The following SLC25A21 variants were observed in gnomAD, a reference collection of about 807,000 sequenced individuals.
The protein encoded by SLC25A21 is solute carrier family 25 member 21.
SLC25A21 carries 47 observed loss-of-function variants against 43.8 expected under a neutral mutation model. The observed-to-expected ratio is 1.07, with a 90% CI of 0.85 to 1.37. SLC25A21 has a LOEUF of 1.37. Ranked by LOEUF, SLC25A21 falls within the 40% of genes most tolerant of loss-of-function variation. The pLI is 0.00. For missense variants in SLC25A21, 352 were observed against 350.2 expected, an observed-to-expected ratio of 1.00 and a Z score of -0.04; for synonymous variants, 131 against 121.3, an observed-to-expected ratio of 1.08 and a Z score of -0.52.
chr14:37,150,122 A>G (rs549749652), intron 1 of SLC25A21, among the ~76,000 whole-genome samples: 1 of 152,292 alleles, frequency 6.6e-6, no homozygotes, highest in African/African-American at 2.4e-5. Context: ...AAGAAATGGC[A>G]TTTGAGTCCC....
chr14:36,706,557 C>T (rs1883577218), intron 7 of SLC25A21, among the ~76,000 whole-genome samples: 1 of 145,966 alleles, frequency 6.9e-6, no homozygotes. Context: ...TGCAGTTAGA[C>T]TCAGAGTTTC....
At chr14:36,914,729 T>TA (rs11439110) in intron 1 of SLC25A21, among the ~76,000 whole-genome samples, 7,108 of 151,988 alleles carry the variant, frequency 0.047, 331 homozygotes, top group African/African-American at 0.11. Context: ...GTCATGTCAG[T>TA]AAAAAAAAGT....
chr14:37,032,313 A>G (rs1961231055), intron 1 of SLC25A21, among the ~76,000 whole-genome samples: 1 of 152,086 alleles, frequency 6.6e-6, no homozygotes, highest in Non-Finnish European at 1.5e-5. Context: ...AGGCTGGTGG[A>G]TCACGAGGTC....
chr14:36,680,829 G>A (rs750603572), intron 9 of SLC25A21, 110 bp from the exon 10 acceptor site: 3 of 882,000 alleles, frequency 3.4e-6, no homozygotes, highest in Non-Finnish European at 5.1e-6. Flanking sequence ...GGCAGAGGCT[G>A]TTCGGAATCA....
At chr14:36,830,402 A>C (rs2138479026) in intron 2 of SLC25A21, among the ~76,000 whole-genome samples, 1 of 152,284 alleles carries the variant, frequency 6.6e-6, no homozygotes, top group Admixed American at 6.5e-5. Flanking sequence ...TGTCTAACCT[A>C]AGGTGTAACA....
At chr14:36,867,008 A>G (rs1160495160) in intron 2 of SLC25A21, among the ~76,000 whole-genome samples, 1 of 152,066 alleles carries the variant, frequency 6.6e-6, no homozygotes, top group Non-Finnish European at 1.5e-5. Context: ...TGTGTGGTGC[A>G]TTTTGTTTCA....
In SLC25A21 at chr14:36,679,259, T is replaced by C. The variant is rs1295067833; in HGVS notation, c.*1399A>G. ...TGAAATATAAATTTTAAAAAACACG[T>C]TGGAAAGGATGTACAACAGAAGGCT... On this transcript the variant is annotated 3_prime_UTR_variant, in exon 10 of 10. Coordinates refer to ENST00000331299, the MANE Select transcript of SLC25A21 (RefSeq NM_030631.4). 3 of 983,500 alleles carry C rather than the reference T, an allele frequency of 3.1e-6. No homozygotes were observed. Among genetic ancestry groups the C allele is most frequent in the African/African-American group, 3.5e-5 (2 of 57,190 alleles). 60.9% of individuals were successfully genotyped at this position (983,500 alleles called of 1,614,324 possible).
At chr14:37,063,708 G>A (rs1238525483) in intron 1 of SLC25A21, among the ~76,000 whole-genome samples, 2 of 152,040 alleles carry the variant, frequency 1.3e-5, no homozygotes, top group African/African-American at 4.8e-5. Context: ...TCTGAAGTCT[G>A]GAAAGCAGGC....
chr14:36,768,677 A>G (rs1349187623), intron 3 of SLC25A21, among the ~76,000 whole-genome samples: 2 of 152,198 alleles, frequency 1.3e-5, no homozygotes, highest in African/African-American at 4.8e-5. Context: ...AACTGCACTA[A>G]ATCTTACCTT....
intron 3 of SLC25A21, among the ~76,000 whole-genome samples, chr14:36,754,015 T>C (rs1566575847): frequency 6.6e-6 from 1 of 151,870 alleles, no homozygotes; most frequent in Non-Finnish European, 1.5e-5. Context: ...CCTGCTTTGA[T>C]CCCAGATCCA....
intron 2 of SLC25A21, among the ~76,000 whole-genome samples, chr14:36,837,071 AGTTTCCT>A (rs1889233781): frequency 1.3e-5 from 2 of 152,268 alleles, no homozygotes; most frequent in Admixed American, 1.3e-4. Flanking sequence ...ATATGTCCCC[AGTTTCCT>A]TAGTAGACAG....
At chr14:36,705,344 G>A (rs1883486729) in intron 7 of SLC25A21, among the ~76,000 whole-genome samples, 2 of 151,900 alleles carry the variant, frequency 1.3e-5, no homozygotes, top group African/African-American at 2.4e-5. Context: ...TGCGTCCGGC[G>A]GCTTACTGTT....
At chr14:36,826,077 C>T (rs1888821053) in intron 2 of SLC25A21, among the ~76,000 whole-genome samples, 1 of 152,128 alleles carries the variant, frequency 6.6e-6, no homozygotes, top group African/African-American at 2.4e-5. Context: ...TACTGGTCAC[C>T]CAAGTGTTAA....
At chr14:37,050,815 G>A (rs929934441) in intron 1 of SLC25A21, among the ~76,000 whole-genome samples, 2 of 152,176 alleles carry the variant, frequency 1.3e-5, no homozygotes, top group African/African-American at 4.8e-5. Context: ...TGAAAAGTTT[G>A]AATGGCCCAC....
intron 1 of SLC25A21, 80 bp downstream of exon 1, chr14:37,172,201 G>A: frequency 1.4e-6 from 2 of 1,392,824 alleles, no homozygotes; most frequent in African/African-American, 2.9e-5. Context: ...TCAGTAAGGA[G>A]ACCTGTCTGG....
chr14:37,069,545 A>C (rs10148046), intron 1 of SLC25A21, among the ~76,000 whole-genome samples: 12 of 152,228 alleles, frequency 7.9e-5, no homozygotes, highest in Non-Finnish European at 1.6e-4. Context: ...CATGCATCCT[A>C]ATAGAACTGC....
intron 1 of SLC25A21, among the ~76,000 whole-genome samples, chr14:37,003,102 T>A (rs1320014136): frequency 6.6e-6 from 1 of 152,182 alleles, no homozygotes; most frequent in South Asian, 2.1e-4. Context: ...CCAAACCCTA[T>A]ACACACTACA....
At chr14:37,102,315 T>C (rs1184337544) in intron 1 of SLC25A21, among the ~76,000 whole-genome samples, 1 of 151,850 alleles carries the variant, frequency 6.6e-6, no homozygotes, top group African/African-American at 2.4e-5. Flanking sequence ...CGGTGGCACA[T>C]GCCTGTAATC....
intron 1 of SLC25A21, among the ~76,000 whole-genome samples, chr14:37,120,304 C>G (rs567378558): frequency 1.3e-5 from 2 of 152,172 alleles, no homozygotes; most frequent in African/African-American, 2.4e-5. Context: ...GGCTTTAGAC[C>G]TTTTCATAAA....
Sources: gnomAD v4.1 joint callset for allele counts (sites outside exome capture counted in the v4.1 genomes callset) on GRCh38, gnomAD v4.1.1 for gene constraint, MANE v1.5 for transcripts, NCBI Gene and HGNC (gene_info 2026-07-23, HGNC 2026-07-21) for gene names.